The following GRIP1 variants were observed in gnomAD, a reference collection of about 807,000 sequenced individuals.
GRIP1 encodes the protein glutamate receptor interacting protein 1.
A neutral mutation model predicts 129.9 loss-of-function variants in GRIP1; 45 were observed. The observed-to-expected ratio is 0.35, with a 90% CI of 0.27 to 0.44. GRIP1 has a LOEUF of 0.44. Ranked by LOEUF, GRIP1 falls within the 20% of genes least tolerant of loss-of-function variation. GRIP1 has a pLI of 1.00. For synonymous variants in GRIP1, 530 were observed against 520.8 expected (o/e 1.02, Z -0.24); for missense variants, 1,196 against 1,396.8 (o/e 0.86, Z 2.29).
Position 66,590,537 on chromosome 12 carries a change from C to T in GRIP1, c.136+6310G>A, listed in dbSNP as rs550170572. 7.9e-5 allele frequency among the ~76,000 whole-genome samples: 12 copies of T among 152,250 alleles called. No homozygotes were observed. The East Asian group carries it at 9.7e-4, about 12-fold the overall frequency. On this transcript the variant is annotated intron_variant, in intron 2 of 24. Coordinates refer to ENST00000359742, the MANE Select transcript of GRIP1 (RefSeq NM_001366722.1). ...TACCTGCCATAATAAGTAATATGTT[C>T]GGCTCTGCATTGCTCTATTTATAGA...
chr12:66,766,691 T>C (rs1290388966), intron 1 of GRIP1, among the ~76,000 whole-genome samples: 1 of 151,988 alleles, frequency 6.6e-6, no homozygotes, highest in Non-Finnish European at 1.5e-5. Context: ...GTTCTCACGT[T>C]ACGAGCAAAA....
At chr12:66,956,527 G>A (rs928241014) in intron 1 of GRIP1, among the ~76,000 whole-genome samples, 6 of 152,148 alleles carry the variant, frequency 3.9e-5, no homozygotes, top group Admixed American at 2.0e-4. Flanking sequence ...ACACACTTAA[G>A]GGACAGAGAA....
intron 1 of GRIP1, among the ~76,000 whole-genome samples, chr12:66,997,812 A>G (rs560026186): frequency 2.6e-4 from 40 of 152,322 alleles, no homozygotes; most frequent in Non-Finnish European, 4.6e-4. Flanking sequence ...TAATTTGCAG[A>G]GCTGAGATAA....
At chr12:66,778,760 T>A (rs1361899514) in intron 1 of GRIP1, among the ~76,000 whole-genome samples, 1 of 152,250 alleles carries the variant, frequency 6.6e-6, no homozygotes, top group African/African-American at 2.4e-5. Flanking sequence ...CATTTCTATA[T>A]GTAAACAGTC....
chr12:67,007,315 T>C (rs1039459228), intron 1 of GRIP1, among the ~76,000 whole-genome samples: 1 of 152,206 alleles, frequency 6.6e-6, no homozygotes, highest in Non-Finnish European at 1.5e-5. Context: ...ACAAGATTCA[T>C]ATGCGGGGGA....
chr12:66,422,125 A>T (rs1269789179), intron 14 of GRIP1, among the ~76,000 whole-genome samples: 1 of 152,212 alleles, frequency 6.6e-6, no homozygotes, highest in Non-Finnish European at 1.5e-5. Flanking sequence ...GAGCCATATC[A>T]TATCCCATAA....
At chr12:66,915,975 G>T (rs1276927128) in intron 1 of GRIP1, among the ~76,000 whole-genome samples, 1 of 152,154 alleles carries the variant, frequency 6.6e-6, no homozygotes, top group Non-Finnish European at 1.5e-5. Context: ...AAGGCACCTG[G>T]CTGGTCCTTG....
At chr12:66,926,894 A>G (rs1014765867) in intron 1 of GRIP1, among the ~76,000 whole-genome samples, 1 of 152,266 alleles carries the variant, frequency 6.6e-6, no homozygotes, top group Non-Finnish European at 1.5e-5. Flanking sequence ...GCATGCAGGC[A>G]CAGTAGGATA....
At chr12:66,945,364 T>C (rs2041651279) in intron 1 of GRIP1, among the ~76,000 whole-genome samples, 1 of 152,292 alleles carries the variant, frequency 6.6e-6, no homozygotes, top group South Asian at 2.1e-4. Context: ...ACTAACCTGT[T>C]CTTGTGTTGC....
At chr12:67,046,308 G>A (rs774381) in intron 1 of GRIP1, among the ~76,000 whole-genome samples, 98,663 of 151,894 alleles carry the variant, frequency 0.65, 32,425 homozygotes, top group Middle Eastern at 0.74. Context: ...ACCTCAGGAA[G>A]ATCCAAAGAT....
chr12:66,651,038 T>G (rs1449834516), intron 1 of GRIP1, among the ~76,000 whole-genome samples: 3 of 152,242 alleles, frequency 2.0e-5, no homozygotes, highest in African/African-American at 7.2e-5. Context: ...ATAGTACTAC[T>G]GTACACAGTT....
chr12:66,969,145 A>ATTTT (rs908181072), intron 1 of GRIP1, among the ~76,000 whole-genome samples: 1 of 151,960 alleles, frequency 6.6e-6, no homozygotes, highest in African/African-American at 2.4e-5. Flanking sequence ...TTCTTTCAAG[A>ATTTT]TTTTTTCACA....
At chr12:66,630,944 T>A (rs1156720350) in intron 1 of GRIP1, among the ~76,000 whole-genome samples, 1 of 152,122 alleles carries the variant, frequency 6.6e-6, no homozygotes, top group Non-Finnish European at 1.5e-5. Flanking sequence ...ATAAAACTTT[T>A]TTTTTTTGGA....
chr12:66,749,360 C>G (rs1002860054), intron 1 of GRIP1, among the ~76,000 whole-genome samples: 1 of 152,152 alleles, frequency 6.6e-6, no homozygotes, highest in Admixed American at 6.5e-5. Flanking sequence ...CAACTCAATT[C>G]TCAATGGCCC....
At chr12:66,783,704 A>G (rs2038229282) in intron 1 of GRIP1, among the ~76,000 whole-genome samples, 1 of 152,186 alleles carries the variant, frequency 6.6e-6, no homozygotes, top group African/African-American at 2.4e-5. Context: ...GGTATTCTAA[A>G]TAGAGTCTAG....
intron 2 of GRIP1, among the ~76,000 whole-genome samples, chr12:66,581,663 G>C (rs2063385380): frequency 6.6e-6 from 1 of 151,508 alleles, no homozygotes; most frequent in African/African-American, 2.4e-5. Flanking sequence ...AGAAGAAATG[G>C]ATAAATTCCT....
chr12:66,851,260 C>A (rs560093206), intron 1 of GRIP1, among the ~76,000 whole-genome samples: 1 of 151,906 alleles, frequency 6.6e-6, no homozygotes, highest in East Asian at 2.0e-4. Context: ...AACACCATTA[C>A]CTCCTACACA....
At chr12:66,476,737 A>G (rs11176212) in intron 7 of GRIP1, among the ~76,000 whole-genome samples, 6,593 of 152,284 alleles carry the variant, frequency 0.043, 362 homozygotes, top group African/African-American at 0.12. Flanking sequence ...GCAAATCAAT[A>G]AACGTAATCC....
At chr12:67,044,200 G>A (rs1372598752) in intron 1 of GRIP1, among the ~76,000 whole-genome samples, 2 of 152,146 alleles carry the variant, frequency 1.3e-5, no homozygotes, top group Non-Finnish European at 2.9e-5. Context: ...TAGAGGAGTA[G>A]GGGCATTTCT....
Sources: allele counts gnomAD v4.1 joint callset (sites outside exome capture counted in the v4.1 genomes callset), GRCh38; gene constraint gnomAD v4.1.1; transcripts MANE v1.5; gene names NCBI Gene and HGNC (gene_info 2026-07-23, HGNC 2026-07-21).